CTNND2: variants seen among roughly 807,000 people sequenced by gnomAD.
The protein encoded by CTNND2 is catenin delta-2.
A neutral mutation model predicts 144.4 loss-of-function variants in CTNND2; 22 were observed. The ratio of observed to expected loss-of-function variants is 0.15; its 90% CI spans 0.11 to 0.22. The LOEUF (loss-of-function observed/expected upper bound fraction) is 0.22. CTNND2 is among the 10% of genes least tolerant of loss of function. The pLI is 1.00. For missense variants in CTNND2, 1,353 were observed against 1,618.8 expected (o/e 0.84, Z 2.82); for synonymous variants, 751 against 695.6 (o/e 1.08, Z -1.25).
chr5:11,763,808 T>C (rs768121184), intron 1 of CTNND2, among the ~76,000 whole-genome samples: 4 of 152,162 alleles, frequency 2.6e-5, no homozygotes, highest in Non-Finnish European at 2.9e-5. Flanking sequence ...CTGGTTTCCC[T>C]GTTTTTGTTC....
intron 12 of CTNND2, among the ~76,000 whole-genome samples, chr5:11,137,144 A>G (rs1756237791): frequency 6.6e-6 from 1 of 152,216 alleles, no homozygotes; most frequent in Admixed American, 6.5e-5. Flanking sequence ...TCTCTAATCC[A>G]ATTCCATAAA....
chr5:11,548,375 C>A (rs181293976), intron 3 of CTNND2, among the ~76,000 whole-genome samples: 2 of 152,098 alleles, frequency 1.3e-5, no homozygotes, highest in African/African-American at 4.8e-5. Flanking sequence ...TTTTTAAAAC[C>A]ATGAATATGC....
At chr5:11,732,913 G>C (rs768343863) in intron 1 of CTNND2, among the ~76,000 whole-genome samples, 17 of 151,804 alleles carry the variant, frequency 1.1e-4, no homozygotes, top group Non-Finnish European at 2.1e-4. Context: ...TACGTCCTGG[G>C]GAAAAAAATG....
At chr5:11,845,283 T>A (rs1794682090) in intron 1 of CTNND2, among the ~76,000 whole-genome samples, 1 of 152,202 alleles carries the variant, frequency 6.6e-6, no homozygotes, top group African/African-American at 2.4e-5. Context: ...CACAGTACTT[T>A]AATAACTATT....
intron 16 of CTNND2, among the ~76,000 whole-genome samples, chr5:11,077,254 GA>G (rs1198660393): frequency 2.0e-5 from 3 of 152,154 alleles, no homozygotes; most frequent in Non-Finnish European, 4.4e-5. Flanking sequence ...GGGAAAGATG[GA>G]AATAAAACAA....
At chr5:11,279,013 T>C (rs963622704) in intron 9 of CTNND2, among the ~76,000 whole-genome samples, 1 of 152,166 alleles carries the variant, frequency 6.6e-6, no homozygotes. Context: ...GACTAGCGTA[T>C]AGACTGGGGT....
intron 1 of CTNND2, among the ~76,000 whole-genome samples, chr5:11,820,179 T>G (rs1793235972): frequency 6.6e-6 from 1 of 152,204 alleles, no homozygotes; most frequent in Non-Finnish European, 1.5e-5. Flanking sequence ...TCATGGTTAT[T>G]GACACAGTCT....
chr5:11,048,749 A>G (rs1248051330), intron 16 of CTNND2, among the ~76,000 whole-genome samples: 1 of 152,262 alleles, frequency 6.6e-6, no homozygotes, highest in African/African-American at 2.4e-5. Context: ...ATGTGTAGAC[A>G]TAATCTATGC....
chr5:11,279,390 A>T (rs1322179269), intron 9 of CTNND2, among the ~76,000 whole-genome samples: 1 of 152,156 alleles, frequency 6.6e-6, no homozygotes, highest in African/African-American at 2.4e-5. Flanking sequence ...CCTTGAAAAT[A>T]TGCCTGTAAT....
At chr5:11,274,703 C>T (rs949729121) in intron 9 of CTNND2, among the ~76,000 whole-genome samples, 4 of 151,298 alleles carry the variant, frequency 2.6e-5, no homozygotes, top group African/African-American at 4.9e-5. Flanking sequence ...TTATCTTCTC[C>T]GTGCATAAGA....
intron 9 of CTNND2, among the ~76,000 whole-genome samples, chr5:11,268,981 T>C (rs144082505): frequency 6.6e-6 from 1 of 152,352 alleles, no homozygotes; most frequent in Non-Finnish European, 1.5e-5. Flanking sequence ...ATTTCAACCA[T>C]GCATAAATGC....
At position 11,101,887 on chromosome 5, in the gene CTNND2, A is replaced by ATGTGTGTGTGTGTGTGTGTG. The variant is rs201704440; in HGVS notation, c.2464-3159_2464-3140dup. Among the ~76,000 whole-genome samples the ATGTGTGTGTGTGTGTGTGTG allele has an allele frequency of 2.0e-3, 290 of 145,270 alleles. 6 individuals are homozygous for ATGTGTGTGTGTGTGTGTGTG. The highest frequency in any genetic ancestry group is 4.3e-3 in the African/African-American group (166 of 38,816). On this transcript the variant is annotated intron_variant, in intron 14 of 21. Coordinates refer to ENST00000304623, the MANE Select transcript of CTNND2 (RefSeq NM_001332.4). ...TATGTTATCTGCATGACGACCACATATGTGTGTGTGTGTGTGTGTGTGTGT... is the reference window on the plus strand; with the variant it reads ...TATGTTATCTGCATGACGACCACATATGTGTGTGTGTGTGTGTGTGTGTGTGTGTGTGTGTGTGTGTGTGT...
At chr5:11,357,814 G>A (rs774372893) in intron 8 of CTNND2, among the ~76,000 whole-genome samples, 1 of 152,036 alleles carries the variant, frequency 6.6e-6, no homozygotes, top group African/African-American at 2.4e-5. Flanking sequence ...ACATGTACAT[G>A]TGTCATTACA....
At chr5:11,282,316 C>T (rs1035178885) in intron 9 of CTNND2, among the ~76,000 whole-genome samples, 9 of 152,290 alleles carry the variant, frequency 5.9e-5, no homozygotes, top group Non-Finnish European at 8.8e-5. Context: ...TAAATAATTA[C>T]GAGTTTTTAA....
chr5:11,337,666 T>C (rs1753857438), intron 9 of CTNND2, among the ~76,000 whole-genome samples: 1 of 152,152 alleles, frequency 6.6e-6, no homozygotes, highest in African/African-American at 2.4e-5. Flanking sequence ...TAAAGCATAA[T>C]GACAACATTG....
intron 11 of CTNND2, among the ~76,000 whole-genome samples, chr5:11,190,690 A>AT (rs1736148132): frequency 6.6e-6 from 1 of 152,282 alleles, no homozygotes; most frequent in African/African-American, 2.4e-5. Flanking sequence ...AGCCATACAC[A>AT]TTTGTTGATG....
intron 12 of CTNND2, among the ~76,000 whole-genome samples, chr5:11,152,916 T>C (rs772076177): frequency 2.0e-5 from 3 of 152,160 alleles, no homozygotes; most frequent in Non-Finnish European, 4.4e-5. Flanking sequence ...GTGTGTCTCA[T>C]CTGTTCCCAT....
At chr5:11,547,609 A>C (rs1269930660) in intron 3 of CTNND2, among the ~76,000 whole-genome samples, 1 of 152,230 alleles carries the variant, frequency 6.6e-6, no homozygotes, top group Non-Finnish European at 1.5e-5. Flanking sequence ...TGAAGACATG[A>C]TTAGGCATTT....
At chr5:11,402,457 C>T (rs1414253632) in intron 5 of CTNND2, among the ~76,000 whole-genome samples, 1 of 152,166 alleles carries the variant, frequency 6.6e-6, no homozygotes, top group African/African-American at 2.4e-5. Flanking sequence ...CTTAACTCTG[C>T]AGAATAAAAA....
Sources: gnomAD v4.1 joint callset for allele counts (sites outside exome capture counted in the v4.1 genomes callset) on GRCh38, gnomAD v4.1.1 for gene constraint, MANE v1.5 for transcripts, NCBI Gene and HGNC (gene_info 2026-07-23, HGNC 2026-07-21) for gene names.